The following STAG2 variants were observed in gnomAD, a reference collection of about 807,000 sequenced individuals.
The protein encoded by STAG2 is cohesin subunit SA-2.
A neutral mutation model predicts 108.1 loss-of-function variants in STAG2; 14 were observed. That is an observed-to-expected ratio of 0.13 (90% CI 0.09 to 0.20). STAG2 has a LOEUF of 0.20. STAG2 is among the 10% of genes least tolerant of loss of function. The pLI is 1.00. For synonymous variants in STAG2, 307 were observed against 302.7 expected, an observed-to-expected ratio of 1.01 and a Z score of -0.15; for missense variants, 440 against 940.9, an observed-to-expected ratio of 0.47 and a Z score of 6.96.
At chrX:124,013,219 A>G (rs2056579752) in intron 1 of STAG2, among the ~76,000 whole-genome samples, 1 of 111,350 alleles carries the variant, frequency 9.0e-6, no homozygotes, top group Admixed American at 9.6e-5. Flanking sequence ...GTAATTACCC[A>G]TGTTTATTTG....
In STAG2 at chrX:124,018,997, A is replaced by G. The variant is rs185282760; in HGVS notation, c.-162-2370A>G. ...GCTATGATGAACTGTTTTTATGGCA[A>G]ATAAGTCATTTAGAGAATGACTAGC... On this transcript the variant is annotated intron_variant, in intron 1 of 34. Transcript: ENST00000371145. Among the ~76,000 whole-genome samples, 417 of 110,082 alleles carry G rather than the reference A, an allele frequency of 3.8e-3. 2 individuals carry two copies. The highest frequency in any genetic ancestry group is 0.022 in the South Asian group (56 of 2,537).
intron 1 of STAG2, among the ~76,000 whole-genome samples, chrX:124,007,312 C>T (rs1171458280): frequency 9.0e-6 from 1 of 111,365 alleles, no homozygotes; most frequent in African/African-American, 3.3e-5. Flanking sequence ...CCATCCCATC[C>T]TGCTTTAAAT....
chrX:124,031,228 C>G (rs1368240063), intron 5 of STAG2, 103 bp downstream of exon 5: 3 of 852,981 alleles, frequency 3.5e-6, no homozygotes, highest in East Asian at 7.5e-5. Flanking sequence ...TAAACATACA[C>G]TACTTATTAG....
intron 4 of STAG2, among the ~76,000 whole-genome samples, chrX:124,029,260 G>A (rs1295233007): frequency 9.3e-6 from 1 of 107,293 alleles, no homozygotes; most frequent in Non-Finnish European, 1.9e-5. Context: ...CTCGTGATCC[G>A]CCCACCTTGG....
intron 29 of STAG2, among the ~76,000 whole-genome samples, chrX:124,086,156 G>GAAA (rs35923936): frequency 9.6e-6 from 1 of 104,546 alleles, no homozygotes; most frequent in Non-Finnish European, 2.0e-5. Flanking sequence ...GGAACCTGAG[G>GAAA]AAAAAAAAAA....
intron 5 of STAG2, among the ~76,000 whole-genome samples, chrX:124,034,660 A>G (rs1199674383): frequency 9.0e-6 from 1 of 111,227 alleles, no homozygotes; most frequent in Admixed American, 9.6e-5. Context: ...AATAGGACTG[A>G]GCGAATCAAA....
intron 8 of STAG2, among the ~76,000 whole-genome samples, chrX:124,046,684 G>A (rs1189828781): frequency 9.0e-6 from 1 of 111,718 alleles, no homozygotes; most frequent in Non-Finnish European, 1.9e-5. Flanking sequence ...CTTGTATCAG[G>A]AGTAAGAGTT....
intron 1 of STAG2, among the ~76,000 whole-genome samples, chrX:123,978,602 A>G (rs926511870): frequency 9.0e-6 from 1 of 111,494 alleles, no homozygotes; most frequent in African/African-American, 3.3e-5. Flanking sequence ...AAGATTCCCC[A>G]GCTGTACAAT....
chrX:124,015,738 T>C (rs2056699339), intron 1 of STAG2, among the ~76,000 whole-genome samples: 1 of 112,283 alleles, frequency 8.9e-6, no homozygotes, highest in African/African-American at 3.2e-5. Flanking sequence ...AAGGTAGATA[T>C]TTATGTCCAC....
intron 27 of STAG2, among the ~76,000 whole-genome samples, chrX:124,080,931 ATAT>A (rs1267395391): frequency 8.9e-6 from 1 of 112,167 alleles, no homozygotes; most frequent in Non-Finnish European, 1.9e-5. Flanking sequence ...TTGTGCATAA[ATAT>A]TATTTCTTTT....
In STAG2 at chrX:124,020,004, A is replaced by G. The variant is rs73212923; in HGVS notation, c.-162-1363A>G. On this transcript the variant is annotated intron_variant, in intron 1 of 34. Coordinates refer to ENST00000371145, the MANE Select transcript of STAG2 (RefSeq NM_001042750.2). ...GCATCTATCTTGTCTTGAGAGATAC[A>G]TCTTACATCTTTGATTTTGCTTTTG... Among the ~76,000 whole-genome samples the G allele has an allele frequency of 7.7e-3, 873 of 112,680 alleles. 4 individuals carry two copies. The highest frequency in any genetic ancestry group is 8.5e-3 in the Non-Finnish European group (451 of 53,356).
chrX:124,066,927 A>G (rs1217962000), intron 23 of STAG2, among the ~76,000 whole-genome samples: 1 of 111,833 alleles, frequency 8.9e-6, no homozygotes, highest in Non-Finnish European at 1.9e-5. Flanking sequence ...CATAATGATA[A>G]TCCTTAATGT....
At chrX:124,083,008 A>T (rs765807602) in intron 28 of STAG2, among the ~76,000 whole-genome samples, 4 of 111,237 alleles carry the variant, frequency 3.6e-5, no homozygotes, top group Admixed American at 9.6e-5. Context: ...TGAATTGTTT[A>T]TTACAAATGT....
At chrX:124,010,186 T>C (rs2056476683) in intron 1 of STAG2, among the ~76,000 whole-genome samples, 1 of 111,632 alleles carries the variant, frequency 9.0e-6, no homozygotes, top group Non-Finnish European at 1.9e-5. Context: ...AAGTGTATAA[T>C]TGAGTAACGT....
chrX:124,054,064 C>T (rs187203027), intron 13 of STAG2, among the ~76,000 whole-genome samples: 68 of 112,038 alleles, frequency 6.1e-4, no homozygotes, highest in Non-Finnish European at 1.1e-3. Flanking sequence ...GAGGCTATGA[C>T]GTAACAGGCC....
chrX:124,090,919 C>G lies in STAG2; in HGVS notation c.3533C>G (p.Ala1178Gly), dbSNP rs1292863464. 1.7e-6 allele frequency: 2 copies of G among 1,208,982 alleles called. No homozygotes were observed. The highest frequency in any genetic ancestry group is 2.2e-6 in the Non-Finnish European group (2 of 894,424). The change falls in exon 32 of 35, where the codon GCA becomes GGA. Residue 1178 changes from alanine (A) to glycine (G), a missense_variant. Physicochemically the swap from Ala to Gly is moderately conservative, Grantham distance 60. Around this residue, in one of 3 missense-constraint regions of STAG2, gnomAD observed 337 missense variants for 649.3 expected, o/e 0.52. Transcript: ENST00000371145. ...GAAGCAAGGCAACAGCAGGAGAGAGCAGCAATGAGCTATGTTAAACTGCGA... is the reference window on the plus strand; with the variant it reads ...GAAGCAAGGCAACAGCAGGAGAGAGGAGCAATGAGCTATGTTAAACTGCGA... ...QEEARQQQER[A>G]AMSYVKLRTN...
chrX:124,014,724 G>C (rs961100948), intron 1 of STAG2, among the ~76,000 whole-genome samples: 2 of 110,760 alleles, frequency 1.8e-5, no homozygotes, highest in Non-Finnish European at 3.8e-5. Flanking sequence ...AGGAAATATA[G>C]ACAGGGTCAT....
intron 1 of STAG2, among the ~76,000 whole-genome samples, chrX:123,993,407 G>A (rs760109566): frequency 1.3e-3 from 141 of 111,675 alleles, no homozygotes; most frequent in Non-Finnish European, 1.1e-3. Flanking sequence ...TTAAATTTGA[G>A]CAATACCTTT....
At chrX:124,040,474 C>G (rs898185654) in intron 6 of STAG2, among the ~76,000 whole-genome samples, 1 of 110,298 alleles carries the variant, frequency 9.1e-6, no homozygotes, top group African/African-American at 3.3e-5. Flanking sequence ...GGCCTTATGT[C>G]CTAATGGTGG....
Sources: gnomAD v4.1 joint callset for allele counts (sites outside exome capture counted in the v4.1 genomes callset) on GRCh38, gnomAD v4.1.1 for gene constraint, gnomAD v4.1.1 regional missense constraint, MANE v1.5 for transcripts, NCBI Gene and HGNC (gene_info 2026-07-23, HGNC 2026-07-21) for gene names.